The following CCSAP variants were observed in gnomAD, a reference collection of about 807,000 sequenced individuals.
CCSAP encodes the protein centriole, cilia and spindle associated protein.
Under a neutral mutation model 25.9 loss-of-function variants are expected in CCSAP, and 17 were observed. The ratio of observed to expected loss-of-function variants is 0.66; its 90% CI spans 0.45 to 0.99. The LOEUF is 0.99. CCSAP is among the 50% of genes least tolerant of loss of function. CCSAP has a pLI of 0.00. For missense variants in CCSAP, 339 were observed against 367.8 expected (o/e 0.92, Z 0.64); for synonymous variants, 169 against 157.1 (o/e 1.08, Z -0.57).
At chr1:229,340,404 A>G (rs1658303783) in intron 2 of CCSAP, 1 of 717,000 alleles carries the variant, frequency 1.4e-6, no homozygotes, top group East Asian at 2.7e-5. Context: ...AGCTTACCTG[A>G]GCTGGTAAAT....
chr1:229,337,869 C>T (rs1658235779), intron 2 of CCSAP, among the ~76,000 whole-genome samples: 1 of 150,662 alleles, frequency 6.6e-6, no homozygotes, highest in South Asian at 2.1e-4. Flanking sequence ...AAATAAGAAA[C>T]TGTGATAGGC....
At position 229,323,446 on chromosome 1, in the gene CCSAP, A is replaced by C. The variant is rs1480265726; in HGVS notation, c.*1789T>G. 6.6e-6 allele frequency: 1 copy of C among 152,220 alleles called. No homozygotes were observed. The highest frequency in any genetic ancestry group is 1.5e-5 in the Non-Finnish European group (1 of 68,042). The allele number at this position is 152,220 out of a possible 1,614,324, so 9.4% of individuals were successfully genotyped here. On this transcript the variant is annotated 3_prime_UTR_variant, in exon 4 of 4. Coordinates refer to ENST00000284617, the MANE Select transcript of CCSAP (RefSeq NM_145257.5). ...AGCCTGAGCTGGATGACTAACACCG[A>C]ACATGCAAGAAGCGACTTTAAAGGA...
At chr1:229,327,292 A>G (rs1657962659) in intron 2 of CCSAP, 1 of 339,850 alleles carries the variant, frequency 2.9e-6, no homozygotes, top group Non-Finnish European at 5.6e-6. Flanking sequence ...ATGTTAAAAG[A>G]TAGACAGCAC....
At chr1:229,329,446 T>C (rs1286375892) in intron 2 of CCSAP, among the ~76,000 whole-genome samples, 3 of 152,172 alleles carry the variant, frequency 2.0e-5, no homozygotes, top group African/African-American at 2.4e-5. Flanking sequence ...CTGGGGTAGA[T>C]AGTGTGGGGG....
chr1:229,332,971 A>T (rs1389322485), intron 2 of CCSAP, among the ~76,000 whole-genome samples: 1 of 152,234 alleles, frequency 6.6e-6, no homozygotes, highest in Non-Finnish European at 1.5e-5. Flanking sequence ...GTAAATTTTT[A>T]TCAATCATAT....
At chr1:229,327,272 A>C in intron 2 of CCSAP, 1 of 345,920 alleles carries the variant, frequency 2.9e-6, no homozygotes, top group East Asian at 6.9e-5. Context: ...TCTGAGACTT[A>C]GCATCTGGAA....
intron 2 of CCSAP, chr1:229,327,488 A>T: frequency 2.2e-6 from 1 of 455,862 alleles, no homozygotes; most frequent in Non-Finnish European, 4.4e-6. Flanking sequence ...CGCTTCCTTC[A>T]TTCAAAAGCC....
At chr1:229,337,310 G>A (rs466160) in intron 2 of CCSAP, among the ~76,000 whole-genome samples, 1 of 151,658 alleles carries the variant, frequency 6.6e-6, no homozygotes, top group Non-Finnish European at 1.5e-5. Context: ...GCAGGTGTCA[G>A]AATGGCATGG....
chr1:229,342,406 C>G lies in CCSAP; in HGVS notation c.60G>C (p.Trp20Cys). The G allele has an allele frequency of 6.8e-7, 1 of 1,465,590 alleles. No individual in the cohort carries two copies. Among genetic ancestry groups the G allele is most frequent in the Non-Finnish European group, 9.1e-7 (1 of 1,104,088 alleles). 90.8% of individuals were successfully genotyped at this position (1,465,590 alleles called of 1,614,324 possible). A position where few individuals can be genotyped will look rare whatever the true frequency, so the allele number is the denominator to read the frequency against. ...EYMKRYQEPR[W>C]EEYGPCYREL... ...CGCGGTAGCACGGCCCGTACTCCTC[C>G]CAGCGCGGCTCCTGGTAGCGCTTCA... The change falls in exon 2 of 4, where the codon TGG becomes TGC. Residue 20 changes from tryptophan to cysteine, a missense_variant. By Grantham distance (215) the Trp-to-Cys change is radical. Coordinates refer to ENST00000284617, the MANE Select transcript of CCSAP (RefSeq NM_145257.5). The surrounding 1 kb of genome is among the most constrained non-coding windows in gnomAD (Gnocchi z 7.5).
intron 2 of CCSAP, among the ~76,000 whole-genome samples, chr1:229,333,270 A>AAAATAC (rs781120126): frequency 7.2e-4 from 108 of 149,662 alleles, no homozygotes; most frequent in Non-Finnish European, 1.5e-3. Flanking sequence ...GTCTCTACTA[A>AAAATAC]AAATACAAAA....
chr1:229,342,563 C>T lies in CCSAP; in HGVS notation c.-48-50G>A. The T allele has an allele frequency of 1.2e-6, 1 of 838,340 alleles. No individual in the cohort carries two copies. The highest frequency in any genetic ancestry group is 1.6e-6 in the Non-Finnish European group (1 of 627,930). The allele number at this position is 838,340 out of a possible 1,614,324, so 51.9% of individuals were successfully genotyped here. On this transcript the variant is annotated intron_variant, in intron 1 of 3. Coordinates refer to ENST00000284617, the MANE Select transcript of CCSAP (RefSeq NM_145257.5). The surrounding 1 kb of genome is among the most constrained non-coding windows in gnomAD (Gnocchi z 7.5). ...GAGGCCGCCCCGCCCCTCCGCCGGC[C>T]CTGCCCGCCGCGACGTTTAAACCCG...
Position 229,342,058 on chromosome 1 carries a change from C to A in CCSAP, c.367+41G>T. 7.7e-7 allele frequency: 1 copy of A among 1,305,320 alleles called. No individual in the cohort carries two copies. Among genetic ancestry groups the A allele is most frequent in the Non-Finnish European group, 9.7e-7 (1 of 1,028,030 alleles). The allele number at this position is 1,305,320 out of a possible 1,614,324, so 80.9% of individuals were successfully genotyped here. On this transcript the variant is annotated intron_variant, in intron 2 of 3. Transcript: ENST00000284617. The surrounding 1 kb of genome is among the most constrained non-coding windows in gnomAD (Gnocchi z 7.5). The stretch of plus-strand genomic sequence containing the variant: ...TGCTCAGAGCTTAGAGCAAACCGTC[C>A]CTGCGTGCAGGCCCCTCGCGCTCCC...
intron 2 of CCSAP, among the ~76,000 whole-genome samples, chr1:229,337,482 G>A (rs546260224): frequency 6.6e-5 from 10 of 150,674 alleles, no homozygotes; most frequent in South Asian, 4.2e-4. Context: ...TAATTCCCAC[G>A]CAATATTTTA....
chr1:229,331,646 G>A (rs1658067898), intron 2 of CCSAP, among the ~76,000 whole-genome samples: 1 of 152,038 alleles, frequency 6.6e-6, no homozygotes, highest in African/African-American at 2.4e-5. Context: ...CCACTAGGCA[G>A]GACTCTAATC....
intron 2 of CCSAP, among the ~76,000 whole-genome samples, chr1:229,333,373 C>T (rs1016252628): frequency 1.4e-5 from 2 of 138,820 alleles, no homozygotes; most frequent in African/African-American, 5.4e-5. Flanking sequence ...GCGGAGCTTG[C>T]AGTGAGCCGA....
In CCSAP at chr1:229,342,589, G is replaced by C. The variant is rs1658366404; in HGVS notation, c.-48-76C>G. ...CTGCCCGCCGCGACGTTTAAACCCG[G>C]AGCCCCGCCCGGACGGGAGCAGGGG... On this transcript the variant is annotated intron_variant, in intron 1 of 3. Coordinates refer to ENST00000284617, the MANE Select transcript of CCSAP (RefSeq NM_145257.5). This position sits in a 1 kb window ranked among gnomAD's most constrained non-coding sequence, Gnocchi z 7.5. The C allele has an allele frequency of 3.2e-6, 2 of 617,302 alleles. No individual in the cohort carries two copies. The highest frequency in any genetic ancestry group is 3.8e-5 in the African/African-American group (2 of 52,298). 38.2% of individuals were successfully genotyped at this position (617,302 alleles called of 1,614,324 possible).
At chr1:229,325,797 AT>A (rs1170901961) in intron 3 of CCSAP, among the ~76,000 whole-genome samples, 1 of 152,264 alleles carries the variant, frequency 6.6e-6, no homozygotes, top group Non-Finnish European at 1.5e-5. Context: ...AGAACTTTAA[AT>A]GTTTAACATC....
intron 2 of CCSAP, among the ~76,000 whole-genome samples, chr1:229,330,072 G>A (rs1017931498): frequency 7.1e-6 from 1 of 141,536 alleles, no homozygotes; most frequent in African/African-American, 2.9e-5. Flanking sequence ...CTGACAGGTG[G>A]ACAGACAACA....
At chr1:229,326,661 C>T (rs1571849710) in intron 3 of CCSAP, 77 bp downstream of exon 3, 11 of 1,556,538 alleles carry the variant, frequency 7.1e-6, no homozygotes, top group South Asian at 4.8e-5. Flanking sequence ...CCAAAGGACA[C>T]GATGCCCGAT....
Sources: gnomAD v4.1 joint callset for allele counts (sites outside exome capture counted in the v4.1 genomes callset) on GRCh38, gnomAD v4.1.1 for gene constraint, Gnocchi (gnomAD v3.1) non-coding constraint, MANE v1.5 for transcripts, NCBI Gene and HGNC (gene_info 2026-07-23, HGNC 2026-07-21) for gene names.